MYO5B: variants seen among roughly 807,000 people sequenced by gnomAD.
MYO5B encodes the protein myosin VB, also known as unconventional myosin-Vb.
Under a neutral mutation model 229.3 loss-of-function variants are expected in MYO5B, and 143 were observed. The observed-to-expected ratio is 0.62, with a 90% CI of 0.54 to 0.72. The LOEUF (loss-of-function observed/expected upper bound fraction) is 0.72. Among genes scored for constraint, MYO5B ranks in the 30% least tolerant of loss-of-function variants. MYO5B has a pLI of 0.00. For missense variants in MYO5B, 2,321 were observed against 2,331.0 expected, an observed-to-expected ratio of 1.00 and a Z score of 0.09; for synonymous variants, 918 against 885.2, an observed-to-expected ratio of 1.04 and a Z score of -0.66.
chr18:49,831,218 G>A (rs1220110007), intron 39 of MYO5B, among the ~76,000 whole-genome samples: 1 of 152,058 alleles, frequency 6.6e-6, no homozygotes, highest in East Asian at 1.9e-4. Flanking sequence ...AAGTATTTAT[G>A]GTTCTTAAAA....
At chr18:49,965,071 C>T (rs572655224) in intron 10 of MYO5B, among the ~76,000 whole-genome samples, 88 of 152,290 alleles carry the variant, frequency 5.8e-4, no homozygotes, top group African/African-American at 1.9e-3. Context: ...AGTGTGCAAG[C>T]CTGGAGGCAC....
At chr18:50,076,977 C>G (rs913781397) in intron 1 of MYO5B, among the ~76,000 whole-genome samples, 9 of 151,282 alleles carry the variant, frequency 5.9e-5, no homozygotes, top group African/African-American at 2.2e-4. Context: ...GCAATGTTTC[C>G]TCATTAGAAA....
Position 49,924,950 on chromosome 18 carries a change from T to C in MYO5B, c.2090+4562A>G, listed in dbSNP as rs146465294. On this transcript the variant is annotated intron_variant, in intron 17 of 39. Transcript: ENST00000285039. ...TTTCATGAAAAAAACAAAAACAGTATATTGGTCACAACCGTAAAACAAAAA... is the reference window on the plus strand; with the variant it reads ...TTTCATGAAAAAAACAAAAACAGTACATTGGTCACAACCGTAAAACAAAAA... Among the ~76,000 whole-genome samples, 332 of 152,258 alleles carry C rather than the reference T, an allele frequency of 2.2e-3. 1 individual carries two copies. The highest frequency in any genetic ancestry group is 3.6e-3 in the Non-Finnish European group (242 of 68,026).
chr18:49,894,346 G>T (rs917137751), intron 22 of MYO5B, among the ~76,000 whole-genome samples: 1 of 152,198 alleles, frequency 6.6e-6, no homozygotes, highest in Admixed American at 6.5e-5. Context: ...GTCTCCAGGG[G>T]CCCTTGGGAC....
chr18:50,111,008 T>C (rs1487023780), intron 1 of MYO5B, among the ~76,000 whole-genome samples: 2 of 152,206 alleles, frequency 1.3e-5, no homozygotes, highest in South Asian at 2.1e-4. Context: ...TTCAACACCA[T>C]TGAGATTTCT....
Position 49,974,485 on chromosome 18 carries a change from T to A in MYO5B, c.1187A>T (p.Gln396Leu), listed in dbSNP as rs759806102. Residue 396 changes from glutamine (Q) to leucine (L), a missense_variant, in exon 10 of 40, where the codon CAG becomes CTG. By Grantham distance (113) the Gln-to-Leu change is moderately radical. Coordinates refer to ENST00000285039, the MANE Select transcript of MYO5B (RefSeq NM_001080467.3). ...ETYVKTMSLQ[Q>L]VINARNALAK... ...CAGGGCGTTGCGCGCATTGATCACC[T>A]GCTGCAGGGACATGGTCTTGACGTA... 1.9e-6 allele frequency: 3 copies of A among 1,614,176 alleles called. No homozygotes were observed. The highest frequency in any genetic ancestry group is 2.5e-6 in the Non-Finnish European group (3 of 1,180,020).
intron 14 of MYO5B, among the ~76,000 whole-genome samples, chr18:49,952,271 T>A (rs2025438386): frequency 6.6e-6 from 1 of 152,198 alleles, no homozygotes; most frequent in Admixed American, 6.5e-5. Context: ...TTCTCCAATG[T>A]TATCAGGCCC....
At chr18:49,873,666 G>C (rs187274815) in intron 26 of MYO5B, among the ~76,000 whole-genome samples, 1 of 152,182 alleles carries the variant, frequency 6.6e-6, no homozygotes, top group Admixed American at 6.5e-5. Flanking sequence ...GGATGATATT[G>C]AGTACATTAC....
intron 29 of MYO5B, among the ~76,000 whole-genome samples, chr18:49,863,013 G>C (rs2024349435): frequency 6.6e-6 from 1 of 151,666 alleles, no homozygotes; most frequent in African/African-American, 2.4e-5. Context: ...CCTTTTCAGG[G>C]GACCTGGGCT....
intron 26 of MYO5B, among the ~76,000 whole-genome samples, chr18:49,875,261 C>T (rs2024504759): frequency 6.6e-6 from 1 of 152,200 alleles, no homozygotes; most frequent in Non-Finnish European, 1.5e-5. Context: ...AAGTGAGTGA[C>T]ACACACTTGG....
intron 5 of MYO5B, among the ~76,000 whole-genome samples, chr18:49,996,553 T>G (rs575849957): frequency 6.6e-6 from 1 of 152,226 alleles, no homozygotes; most frequent in African/African-American, 2.4e-5. Context: ...AACTGGTTGA[T>G]GGAATATGCT....
chr18:50,007,548 C>A (rs764549812), intron 4 of MYO5B, among the ~76,000 whole-genome samples: 1 of 152,182 alleles, frequency 6.6e-6, no homozygotes, highest in African/African-American at 2.4e-5. Flanking sequence ...ACACCCACAT[C>A]TACTGTGTTC....
intron 2 of MYO5B, among the ~76,000 whole-genome samples, chr18:50,049,322 G>A (rs879863291): frequency 1.3e-5 from 2 of 152,202 alleles, no homozygotes; most frequent in African/African-American, 2.4e-5. Flanking sequence ...AGTGATGCAA[G>A]TAATTAGAAG....
chr18:50,095,089 C>T (rs1568104437), intron 1 of MYO5B, among the ~76,000 whole-genome samples: 1 of 152,216 alleles, frequency 6.6e-6, no homozygotes, highest in African/African-American at 2.4e-5. Flanking sequence ...CTCAACCCCA[C>T]AAAGTGCTGG....
At chr18:50,185,798 T>A (rs963703622) in intron 1 of MYO5B, among the ~76,000 whole-genome samples, 3 of 152,132 alleles carry the variant, frequency 2.0e-5, no homozygotes, top group Non-Finnish European at 4.4e-5. Flanking sequence ...TAAGAAAAAA[T>A]TACAGTACAT....
At chr18:49,838,060 G>A (rs1391120104) in intron 36 of MYO5B, among the ~76,000 whole-genome samples, 1 of 152,318 alleles carries the variant, frequency 6.6e-6, no homozygotes, top group Non-Finnish European at 1.5e-5. Context: ...GTACCAGCTC[G>A]ATTTGGTATC....
intron 1 of MYO5B, among the ~76,000 whole-genome samples, chr18:50,129,823 G>A (rs1239267448): frequency 6.6e-6 from 1 of 152,174 alleles, no homozygotes; most frequent in Non-Finnish European, 1.5e-5. Flanking sequence ...TAGTACAGGA[G>A]CCTCCGCCAA....
At chr18:49,851,184 C>T (rs1011221187) in intron 31 of MYO5B, 1 of 152,182 alleles carries the variant, frequency 6.6e-6, no homozygotes, top group African/African-American at 2.4e-5. Flanking sequence ...GGCTTTGACG[C>T]CTGTCTTTGA....
rs1175628320 is a variant in MYO5B, at chr18:49,825,534, A to T, written c.*937T>A. Reference sequence around the variant, plus strand: ...TACTATTTGGTTTCTGGAACAGTAGAGCATTATGTGATGCTCTTACTGGAA... The same window carrying T: ...TACTATTTGGTTTCTGGAACAGTAGTGCATTATGTGATGCTCTTACTGGAA... On this transcript the variant is annotated 3_prime_UTR_variant, in exon 40 of 40. Coordinates refer to ENST00000285039, the MANE Select transcript of MYO5B (RefSeq NM_001080467.3). 1 of 152,198 alleles carries T rather than the reference A, an allele frequency of 6.6e-6. No homozygotes were observed. Among genetic ancestry groups the T allele is most frequent in the Admixed American group, 6.5e-5 (1 of 15,276 alleles). 9.4% of individuals were successfully genotyped at this position (152,198 alleles called of 1,614,324 possible). A position where few individuals can be genotyped will look rare whatever the true frequency, so the allele number is the denominator to read the frequency against.
Sources: allele counts gnomAD v4.1 joint callset (sites outside exome capture counted in the v4.1 genomes callset), GRCh38; gene constraint gnomAD v4.1.1; transcripts MANE v1.5; gene names NCBI Gene and HGNC (gene_info 2026-07-23, HGNC 2026-07-21).